Variants in TRPC6 observed in about 807,000 individuals in gnomAD.
The protein encoded by TRPC6 is transient receptor potential cation channel subfamily C member 6.
In TRPC6, 55 loss-of-function variants were observed where a neutral mutation model predicts 90.7. The observed-to-expected ratio is 0.61, with a 90% CI of 0.49 to 0.76. The LOEUF (loss-of-function observed/expected upper bound fraction) is 0.76, where lower values mean the gene tolerates loss of function less well. TRPC6 is among the 30% of genes least tolerant of loss of function. The pLI is 0.00. For synonymous variants in TRPC6, 393 were observed against 393.0 expected, an observed-to-expected ratio of 1.00 and a Z score of 0.00; for missense variants, 989 against 1,122.7, an observed-to-expected ratio of 0.88 and a Z score of 1.70.
chr11:101,545,052 A>G (rs1217186869), intron 1 of TRPC6, among the ~76,000 whole-genome samples: 2 of 152,126 alleles, frequency 1.3e-5, no homozygotes, highest in South Asian at 2.1e-4. Flanking sequence ...TGAGACTCCT[A>G]TAAGAGTTAT....
At chr11:101,519,189 ATG>A (rs1860593271) in intron 1 of TRPC6, among the ~76,000 whole-genome samples, 1 of 152,156 alleles carries the variant, frequency 6.6e-6, no homozygotes, top group Non-Finnish European at 1.5e-5. Context: ...AATGTGAAGA[ATG>A]TAATTGAATT....
At chr11:101,569,947 A>G (rs1861921636) in intron 1 of TRPC6, among the ~76,000 whole-genome samples, 1 of 151,440 alleles carries the variant, frequency 6.6e-6, no homozygotes, top group African/African-American at 2.4e-5. Context: ...CCCGAACATC[A>G]TAATTAAAAG....
chr11:101,488,166 A>C (rs1157091345), intron 4 of TRPC6, among the ~76,000 whole-genome samples: 1 of 152,192 alleles, frequency 6.6e-6, no homozygotes, highest in African/African-American at 2.4e-5. Context: ...AGATCCAGAA[A>C]TGTGGCTTCA....
chr11:101,464,599 A>G (rs969967249), intron 10 of TRPC6, among the ~76,000 whole-genome samples: 1 of 152,172 alleles, frequency 6.6e-6, no homozygotes, highest in African/African-American at 2.4e-5. Flanking sequence ...ATCAGAGACT[A>G]GGATTGCAAC....
At chr11:101,568,450 T>A (rs1011108000) in intron 1 of TRPC6, among the ~76,000 whole-genome samples, 2 of 152,154 alleles carry the variant, frequency 1.3e-5, no homozygotes, top group African/African-American at 2.4e-5. Flanking sequence ...CAGAATATTA[T>A]CCAGGAGAAC....
At chr11:101,471,158 A>G (rs776500785) in intron 9 of TRPC6, 25 bp downstream of exon 9, 11 of 1,612,038 alleles carry the variant, frequency 6.8e-6, no homozygotes, top group Middle Eastern at 1.6e-4. Context: ...TAAGAATACA[A>G]TGATAACTTA....
intron 2 of TRPC6, among the ~76,000 whole-genome samples, chr11:101,497,867 C>G (rs1859989964): frequency 6.6e-6 from 1 of 151,992 alleles, no homozygotes; most frequent in African/African-American, 2.4e-5. Context: ...CCCCCACCCC[C>G]TGACAGGCCC....
At chr11:101,490,987 A>G (rs983069416) in intron 3 of TRPC6, among the ~76,000 whole-genome samples, 15 of 152,248 alleles carry the variant, frequency 9.9e-5, no homozygotes, top group African/African-American at 3.6e-4. Flanking sequence ...TTGGATTCAT[A>G]AAGTCATTGT....
At chr11:101,554,726 A>G in intron 1 of TRPC6, among the ~76,000 whole-genome samples, 1 of 152,206 alleles carries the variant, frequency 6.6e-6, no homozygotes, top group Non-Finnish European at 1.5e-5. Context: ...ACCAATCAAC[A>G]AAATTCTTTA....
At chr11:101,559,999 G>A (rs1311569551) in intron 1 of TRPC6, among the ~76,000 whole-genome samples, 2 of 151,930 alleles carry the variant, frequency 1.3e-5, no homozygotes, top group African/African-American at 4.8e-5. Flanking sequence ...ACCATCTTGT[G>A]AAAAAGTAAT....
At chr11:101,454,702 A>G (rs1272234405) in intron 11 of TRPC6, among the ~76,000 whole-genome samples, 1 of 151,922 alleles carries the variant, frequency 6.6e-6, no homozygotes, top group East Asian at 1.9e-4. Context: ...AAGCAAGCAG[A>G]CTTTGTTTCT....
chr11:101,503,625 G>C (rs1289444940), intron 2 of TRPC6, among the ~76,000 whole-genome samples: 1 of 152,132 alleles, frequency 6.6e-6, no homozygotes, highest in Non-Finnish European at 1.5e-5. Context: ...CATGGAAATA[G>C]TGTTTCGTGG....
intron 1 of TRPC6, among the ~76,000 whole-genome samples, chr11:101,527,933 C>T (rs1415119742): frequency 1.3e-5 from 2 of 151,988 alleles, no homozygotes; most frequent in Non-Finnish European, 2.9e-5. Flanking sequence ...ATTAGCTGGG[C>T]ATAGTGACGG....
At chr11:101,573,239 T>C (rs191391125) in intron 1 of TRPC6, among the ~76,000 whole-genome samples, 39 of 147,386 alleles carry the variant, frequency 2.6e-4, no homozygotes, top group Non-Finnish European at 3.0e-5. Flanking sequence ...CCCTACCAGA[T>C]GCGAGTCATT....
chr11:101,567,466 G>A (rs1182041494), intron 1 of TRPC6, among the ~76,000 whole-genome samples: 2 of 152,226 alleles, frequency 1.3e-5, no homozygotes, highest in African/African-American at 2.4e-5. Context: ...TCCCTGCCAG[G>A]CAGCTCTGAA....
chr11:101,565,467 C>T (rs575755420), intron 1 of TRPC6, among the ~76,000 whole-genome samples: 5 of 151,958 alleles, frequency 3.3e-5, no homozygotes, highest in Non-Finnish European at 5.9e-5. Context: ...GGAAGAAAGT[C>T]AACATTAAGA....
chr11:101,571,365 A>C (rs1245838116), intron 1 of TRPC6, among the ~76,000 whole-genome samples: 1 of 152,166 alleles, frequency 6.6e-6, no homozygotes, highest in Non-Finnish European at 1.5e-5. Flanking sequence ...TCAAGGAAAA[A>C]TAGAGGACAC....
rs769545290 is a variant in TRPC6, at chr11:101,476,358, T to A, written c.1687A>T (p.Thr563Ser). 6.2e-7 allele frequency: 1 copy of A among 1,614,136 alleles called. No homozygotes were observed. Among genetic ancestry groups the A allele is most frequent in the South Asian group, 1.1e-5 (1 of 91,080 alleles). The change falls in exon 6 of 13, where the codon ACT (threonine) becomes TCT (serine). Residue 563 changes from threonine (T) to serine (S), a missense_variant. Thr to Ser is a moderately conservative substitution (Grantham distance 58). Around this residue, in one of 4 missense-constraint regions of TRPC6, gnomAD observed 486 missense variants for 591.9 expected, o/e 0.82. Coordinates refer to ENST00000344327, the MANE Select transcript of TRPC6 (RefSeq NM_004621.6). ...KAQSIIDANDTLKDLTKVTLG... is the reference protein window; with the variant it reads ...KAQSIIDANDSLKDLTKVTLG... ...GTTACTTTCGTCAAGTCCTTCAAAG[T>A]ATCATTTGCGTCAATGATGCTCTGG...
At chr11:101,580,521 T>C (rs1565255780) in intron 1 of TRPC6, among the ~76,000 whole-genome samples, 1 of 152,104 alleles carries the variant, frequency 6.6e-6, no homozygotes, top group Admixed American at 6.5e-5. Flanking sequence ...TGCTCACAAA[T>C]AAGATAATTT....
Sources: allele counts gnomAD v4.1 joint callset (sites outside exome capture counted in the v4.1 genomes callset), GRCh38; gene constraint gnomAD v4.1.1; regional missense constraint gnomAD v4.1.1; transcripts MANE v1.5; gene names NCBI Gene and HGNC (gene_info 2026-07-23, HGNC 2026-07-21).